The following WAPL variants were observed in gnomAD, a reference collection of about 807,000 sequenced individuals.
The protein encoded by WAPL is WAPL cohesin release factor, also known as wings apart-like protein homolog.
A neutral mutation model predicts 121.0 loss-of-function variants in WAPL; 5 were observed. The observed-to-expected ratio is 0.04, with a 90% CI of 0.02 to 0.09. WAPL has a LOEUF of 0.09. Ranked by LOEUF, WAPL falls within the 10% of genes least tolerant of loss-of-function variation. WAPL has a pLI of 1.00. For synonymous variants in WAPL, 480 were observed against 481.5 expected, an observed-to-expected ratio of 1.00 and a Z score of 0.04; for missense variants, 999 against 1,410.8, an observed-to-expected ratio of 0.71 and a Z score of 4.68.
rs960363897 is a variant in WAPL, at chr10:86,521,690, T to G, written c.-348A>C. On this transcript the variant is annotated 5_prime_UTR_variant, in exon 1 of 19. Coordinates refer to ENST00000298767, the MANE Select transcript of WAPL (RefSeq NM_015045.5). ...CCTCCTGCGCCGCCGCTTCCGCCGG[T>G]GAATGGTCAGTGCTGGAGTTTGAAC... 17 of 463,928 alleles carry G rather than the reference T, an allele frequency of 3.7e-5. No individual in the cohort carries two copies. The highest frequency in any genetic ancestry group is 3.5e-4 in the African/African-American group (17 of 48,506). 28.7% of individuals were successfully genotyped at this position (463,928 alleles called of 1,614,324 possible).
intron 10 of WAPL, among the ~76,000 whole-genome samples, 165 bp from the exon 11 acceptor site, chr10:86,460,661 T>C (rs1430572017): frequency 2.0e-5 from 3 of 152,352 alleles, no homozygotes; most frequent in Middle Eastern, 6.8e-3. Context: ...TTGAAATGCA[T>C]ACTCTGTAAT....
intron 8 of WAPL, among the ~76,000 whole-genome samples, chr10:86,468,908 C>CT (rs954368282): frequency 1.3e-4 from 20 of 152,074 alleles, no homozygotes; most frequent in Non-Finnish European, 2.5e-4. Context: ...TGAGACCAGC[C>CT]TGGCCAACAT....
chr10:86,509,534 T>C (rs1441401722), intron 2 of WAPL, among the ~76,000 whole-genome samples: 1 of 152,142 alleles, frequency 6.6e-6, no homozygotes, highest in Non-Finnish European at 1.5e-5. Context: ...TCAGCACACT[T>C]GTGATTGTTT....
At chr10:86,480,538 C>A (rs1185084129) in intron 4 of WAPL, among the ~76,000 whole-genome samples, 10 of 152,094 alleles carry the variant, frequency 6.6e-5, no homozygotes, top group Admixed American at 5.2e-4. Flanking sequence ...AATAACAGTT[C>A]TCACAACTAA....
At chr10:86,437,633 G>T (rs897894306) in intron 18 of WAPL, 25 bp from the exon 19 acceptor site, 1 of 1,610,564 alleles carries the variant, frequency 6.2e-7, no homozygotes, top group Non-Finnish European at 8.5e-7. Flanking sequence ...AAGGGGAAAG[G>T]AAGTAACAGT....
Position 86,471,055 on chromosome 10 carries a change from G to A in WAPL, c.2079C>T (p.His693=), listed in dbSNP as rs759774405. 114 of 1,613,782 alleles carry A rather than the reference G, an allele frequency of 7.1e-5. No homozygotes were observed. The highest frequency in any genetic ancestry group is 9.2e-5 in the Non-Finnish European group (109 of 1,179,958). The part of the protein sequence containing the change: ...TKCAMPSFRM[H]LRAHGMVAMV... ...TTGCTACCATCCCATGTGCTCTCAGGTGCATTCGAAAACTGGGCATGGCAC... is the reference window on the plus strand; with the variant it reads ...TTGCTACCATCCCATGTGCTCTCAGATGCATTCGAAAACTGGGCATGGCAC... The change falls in exon 8 of 19, where the codon CAC becomes CAT. Residue 693 remains histidine (H), a synonymous_variant. Coordinates refer to ENST00000298767, the MANE Select transcript of WAPL (RefSeq NM_015045.5).
Position 86,521,716 on chromosome 10 carries a change from A to T in WAPL, c.-374T>A. The T allele has an allele frequency of 4.3e-6, 2 of 463,226 alleles. No homozygotes were observed. Among genetic ancestry groups the T allele is most frequent in the Non-Finnish European group, 8.9e-6 (2 of 224,290 alleles). The allele number at this position is 463,226 out of a possible 1,614,324, so 28.7% of individuals were successfully genotyped here. A position where few individuals can be genotyped will look rare whatever the true frequency, so the allele number is the denominator to read the frequency against. On this transcript the variant is annotated 5_prime_UTR_variant, in exon 1 of 19. Transcript: ENST00000298767. The stretch of plus-strand genomic sequence containing the variant: ...GAATGGTCAGTGCTGGAGTTTGAAC[A>T]GGGCCCTGAACCATCTCAACGCCAT...
chr10:86,509,869 A>G (rs1183837167), intron 2 of WAPL, among the ~76,000 whole-genome samples: 1 of 150,638 alleles, frequency 6.6e-6, no homozygotes, highest in East Asian at 2.0e-4. Context: ...GGTTCAAGCA[A>G]TTCTCCTGCC....
At chr10:86,449,769 G>A (rs929026599) in intron 15 of WAPL, among the ~76,000 whole-genome samples, 1 of 152,082 alleles carries the variant, frequency 6.6e-6, no homozygotes, top group Non-Finnish European at 1.5e-5. Context: ...ATTTTTAAAA[G>A]AAAGAGACTA....
At chr10:86,486,365 G>C (rs1044699009) in intron 4 of WAPL, among the ~76,000 whole-genome samples, 2 of 152,216 alleles carry the variant, frequency 1.3e-5, no homozygotes, top group Admixed American at 6.5e-5. Context: ...GTAAGATTTT[G>C]CTAGTAAGTT....
At chr10:86,451,886 G>T in intron 15 of WAPL, 81 bp downstream of exon 15, 2 of 1,517,856 alleles carry the variant, frequency 1.3e-6, no homozygotes, top group South Asian at 1.2e-5. Flanking sequence ...AGAAAAGGAG[G>T]TAAAAGGTGC....
intron 2 of WAPL, among the ~76,000 whole-genome samples, chr10:86,511,881 T>G (rs1337721612): frequency 1.3e-5 from 2 of 152,016 alleles, no homozygotes; most frequent in African/African-American, 4.8e-5. Context: ...TGATAAGCCA[T>G]GCACTCCAGC....
At chr10:86,446,182 GA>G in intron 16 of WAPL, 59 bp downstream of exon 16, 1 of 1,587,744 alleles carries the variant, frequency 6.3e-7, no homozygotes, top group Non-Finnish European at 8.6e-7. Flanking sequence ...ATAGTTTGAA[GA>G]AAAAAACAAA....
intron 2 of WAPL, among the ~76,000 whole-genome samples, chr10:86,509,975 A>G (rs1305014477): frequency 1.3e-5 from 2 of 150,492 alleles, no homozygotes; most frequent in Non-Finnish European, 2.9e-5. Context: ...CATGTTGGCC[A>G]GGCTGGTCTC....
intron 2 of WAPL, among the ~76,000 whole-genome samples, chr10:86,513,638 GT>G (rs1364320246): frequency 1.3e-5 from 2 of 152,064 alleles, no homozygotes; most frequent in East Asian, 3.8e-4. Context: ...AGTACTATCC[GT>G]TATAAAAGTA....
intron 9 of WAPL, among the ~76,000 whole-genome samples, chr10:86,466,440 T>C (rs990681942): frequency 2.0e-5 from 3 of 151,986 alleles, no homozygotes; most frequent in African/African-American, 7.3e-5. Flanking sequence ...TATGGTGGCA[T>C]ACACCTGTAG....
chr10:86,503,685 G>A (rs1393535067), intron 2 of WAPL, among the ~76,000 whole-genome samples: 2 of 151,484 alleles, frequency 1.3e-5, no homozygotes, highest in Non-Finnish European at 1.5e-5. Flanking sequence ...CCCGGAAGGC[G>A]GAGCTTGCAG....
intron 4 of WAPL, among the ~76,000 whole-genome samples, chr10:86,478,188 G>C (rs989914583): frequency 6.6e-6 from 1 of 152,090 alleles, no homozygotes; most frequent in Non-Finnish European, 1.5e-5. Context: ...CCAGCAAGTT[G>C]GGAGGCCAAG....
At chr10:86,491,121 C>T (rs1181295607) in intron 4 of WAPL, among the ~76,000 whole-genome samples, 2 of 142,554 alleles carry the variant, frequency 1.4e-5, no homozygotes, top group Non-Finnish European at 3.0e-5. Flanking sequence ...CTATCAATAA[C>T]ATAAACTCAT....
Sources: gnomAD v4.1 joint callset for allele counts (sites outside exome capture counted in the v4.1 genomes callset) on GRCh38, gnomAD v4.1.1 for gene constraint, MANE v1.5 for transcripts, NCBI Gene and HGNC (gene_info 2026-07-23, HGNC 2026-07-21) for gene names.